The following UBE2Q2 variants were observed in gnomAD, a reference collection of about 807,000 sequenced individuals.
The protein encoded by UBE2Q2 is ubiquitin conjugating enzyme E2 Q2, also known as ubiquitin-conjugating enzyme E2 Q2.
Under a neutral mutation model 59.9 loss-of-function variants are expected in UBE2Q2, and 54 were observed. The observed-to-expected ratio is 0.90, with a 90% CI of 0.72 to 1.13. UBE2Q2 has a LOEUF of 1.13. Ranked by LOEUF, UBE2Q2 falls within the 50% of genes most tolerant of loss-of-function variation. UBE2Q2 has a pLI of 0.00. For missense variants in UBE2Q2, 433 were observed against 441.9 expected (o/e 0.98, Z 0.18); for synonymous variants, 165 against 155.2 (o/e 1.06, Z -0.47).
At chr15:75,849,398 A>G (rs947202072) in intron 1 of UBE2Q2, among the ~76,000 whole-genome samples, 2 of 152,208 alleles carry the variant, frequency 1.3e-5, no homozygotes, top group Admixed American at 6.5e-5. Flanking sequence ...GCTGTGTCCT[A>G]CATTTGGAAA....
Position 75,900,852 on chromosome 15 carries a change from G to A in UBE2Q2, c.*1394G>A, listed in dbSNP as rs141088476. The A allele has an allele frequency of 2.0e-4, 30 of 152,754 alleles. No homozygotes were observed. In the East Asian group the frequency reaches 2.1e-3, roughly 11 times the overall value. The allele number at this position is 152,754 out of a possible 1,614,324, so 9.5% of individuals were successfully genotyped here. Reference sequence around the variant, plus strand: ...AGGCAGAATTCTTTAAATCAGTAAAGTTCCTTAAGCCTAAGGCTAAATCTT... The same window carrying A: ...AGGCAGAATTCTTTAAATCAGTAAAATTCCTTAAGCCTAAGGCTAAATCTT... On this transcript the variant is annotated 3_prime_UTR_variant, in exon 13 of 13. Transcript: ENST00000267938.
intron 1 of UBE2Q2, among the ~76,000 whole-genome samples, chr15:75,853,504 ATATGTATG>A (rs540862057): frequency 1.3e-5 from 2 of 151,532 alleles, no homozygotes; most frequent in East Asian, 3.9e-4. Context: ...ATATATATAT[ATATGTATG>A]TATGTATGTA....
intron 12 of UBE2Q2, among the ~76,000 whole-genome samples, chr15:75,898,895 T>G (rs1358371096): frequency 2.0e-5 from 3 of 152,134 alleles, no homozygotes; most frequent in African/African-American, 7.2e-5. Flanking sequence ...TCAGGTACAA[T>G]TTATTCATAG....
chr15:75,874,862 AC>A (rs953684520), intron 5 of UBE2Q2, among the ~76,000 whole-genome samples: 5 of 152,250 alleles, frequency 3.3e-5, no homozygotes, highest in Non-Finnish European at 5.9e-5. Context: ...AGTAGCAGTT[AC>A]TTTGTCTTGG....
chr15:75,899,346 CTG>C (rs1333211096), intron 12 of UBE2Q2, 79 bp from the exon 13 acceptor site: 10 of 825,732 alleles, frequency 1.2e-5, no homozygotes, highest in South Asian at 2.2e-5. Flanking sequence ...TGAAAAGAGA[CTG>C]TAGCTAACCT....
At chr15:75,884,791 C>T (rs1898662855) in intron 9 of UBE2Q2, among the ~76,000 whole-genome samples, 1 of 152,020 alleles carries the variant, frequency 6.6e-6, no homozygotes, top group Non-Finnish European at 1.5e-5. Flanking sequence ...TCCTGAGTAG[C>T]TGGGATGCCA....
chr15:75,863,579 G>T (rs993087583), intron 3 of UBE2Q2, among the ~76,000 whole-genome samples: 1 of 151,466 alleles, frequency 6.6e-6, no homozygotes, highest in Non-Finnish European at 1.5e-5. Context: ...CCAAGTAGCT[G>T]GGATTACAGG....
rs770428989 is a variant in UBE2Q2 at position 75,890,947 on chromosome 15, C to T, written c.962C>T (p.Ser321Leu). Reference sequence around the variant, plus strand: ...TGGAGCAGTGCCTACTCAATAGAATCGGTCATCATGCAAATAAATGCCACC... The same window carrying T: ...TGGAGCAGTGCCTACTCAATAGAATTGGTCATCATGCAAATAAATGCCACC... ...QGWSSAYSIE[S>L]VIMQINATLV... is the part of the protein sequence containing the mutation. The change falls in exon 11 of 13, where the codon TCG becomes TTG. Residue 321 changes from serine to leucine, a missense_variant. Coordinates refer to ENST00000267938, the MANE Select transcript of UBE2Q2 (RefSeq NM_173469.4). The T allele has an allele frequency of 1.4e-5, 23 of 1,612,560 alleles. No homozygotes were observed. Among genetic ancestry groups the T allele is most frequent in the Non-Finnish European group, 1.9e-5 (22 of 1,179,902 alleles).
chr15:75,858,935 C>T (rs1897068467), intron 2 of UBE2Q2, among the ~76,000 whole-genome samples: 1 of 152,184 alleles, frequency 6.6e-6, no homozygotes, highest in Non-Finnish European at 1.5e-5. Context: ...CTTCGTTAAC[C>T]CATTCTAATC....
chr15:75,890,336 CCTTA>C, intron 9 of UBE2Q2, 95 bp from the exon 10 acceptor site: 2 of 839,270 alleles, frequency 2.4e-6, no homozygotes, highest in South Asian at 1.7e-5. Flanking sequence ...ATTTTCTCAT[CCTTA>C]CTTGTGTGCA....
chr15:75,844,388 A>C (rs1022175897), intron 1 of UBE2Q2: 127 of 1,551,292 alleles, frequency 8.2e-5, no homozygotes, highest in Non-Finnish European at 1.1e-4. Flanking sequence ...GAAAAGTTGG[A>C]ATGCAGACTC....
intron 2 of UBE2Q2, among the ~76,000 whole-genome samples, chr15:75,856,263 GTGTGTGTA>G (rs953996361): frequency 6.3e-4 from 65 of 103,322 alleles, no homozygotes; most frequent in Admixed American, 1.3e-3. Flanking sequence ...GTGTGTGTGT[GTGTGTGTA>G]TATATATATA....
intron 1 of UBE2Q2, among the ~76,000 whole-genome samples, chr15:75,845,714 G>T (rs376758645): frequency 1.3e-5 from 2 of 152,178 alleles, no homozygotes; most frequent in Admixed American, 6.5e-5. Flanking sequence ...AGGAGTACAG[G>T]GATACCAAAT....
chr15:75,885,112 G>A (rs1036048038), intron 9 of UBE2Q2, among the ~76,000 whole-genome samples: 1 of 151,924 alleles, frequency 6.6e-6, no homozygotes, highest in Non-Finnish European at 1.5e-5. Flanking sequence ...AGCACTAATA[G>A]TAGTGGGGTT....
chr15:75,879,863 G>A (rs1271649160), intron 8 of UBE2Q2, among the ~76,000 whole-genome samples: 1 of 152,084 alleles, frequency 6.6e-6, no homozygotes, highest in Non-Finnish European at 1.5e-5. Flanking sequence ...TGCCCAAAGA[G>A]GAAAACTGTC....
chr15:75,857,516 C>T (rs1896979759), intron 2 of UBE2Q2, among the ~76,000 whole-genome samples: 1 of 152,036 alleles, frequency 6.6e-6, no homozygotes, highest in Non-Finnish European at 1.5e-5. Context: ...ATGTCTTCAC[C>T]TTTTTTCGCT....
chr15:75,883,135 C>T (rs1039338439), intron 8 of UBE2Q2, among the ~76,000 whole-genome samples: 8 of 151,930 alleles, frequency 5.3e-5, no homozygotes, highest in Non-Finnish European at 1.5e-5. Flanking sequence ...AAGTGGAACC[C>T]CTTCATGTGT....
Position 75,892,942 on chromosome 15 carries a change from A to C in UBE2Q2, c.1029+1928A>C, listed in dbSNP as rs948975227. Among the ~76,000 whole-genome samples the C allele has an allele frequency of 2.6e-5, 4 of 152,190 alleles. No homozygotes were observed. In the East Asian group the frequency reaches 7.7e-4, roughly 29 times the overall value. Reference sequence around the variant, plus strand: ...CAGAAGAGAATTAATTGATTAGATGATTATCTCAAAAAAATAAGTTAGAAT... The same window carrying C: ...CAGAAGAGAATTAATTGATTAGATGCTTATCTCAAAAAAATAAGTTAGAAT... On this transcript the variant is annotated intron_variant, in intron 11 of 12. Transcript: ENST00000267938.
At chr15:75,890,254 C>T (rs1004069252) in intron 9 of UBE2Q2, among the ~76,000 whole-genome samples, 181 bp from the exon 10 acceptor site, 12 of 152,288 alleles carry the variant, frequency 7.9e-5, no homozygotes, top group Admixed American at 1.3e-4. Flanking sequence ...ATTACATTAG[C>T]ATGATAACAT....
Sources: allele counts gnomAD v4.1 joint callset (sites outside exome capture counted in the v4.1 genomes callset), GRCh38; gene constraint gnomAD v4.1.1; transcripts MANE v1.5; gene names NCBI Gene and HGNC (gene_info 2026-07-23, HGNC 2026-07-21).